SHTN1: variants seen among roughly 807,000 people sequenced by gnomAD.
SHTN1 encodes the protein shootin-1.
Under a neutral mutation model 83.1 loss-of-function variants are expected in SHTN1, and 42 were observed. The observed-to-expected ratio is 0.51, with a 90% CI of 0.39 to 0.65. The LOEUF (loss-of-function observed/expected upper bound fraction) is 0.65, where lower values mean the gene tolerates loss of function less well. SHTN1 is among the 30% of genes least tolerant of loss of function. SHTN1 has a pLI of 0.00. For missense variants in SHTN1, 622 were observed against 737.8 expected (o/e 0.84, Z 1.82); for synonymous variants, 224 against 247.7 (o/e 0.90, Z 0.90).
In SHTN1 at chr10:116,940,552, G is replaced by T; in HGVS notation, c.772C>A (p.Pro258Thr). The T allele has an allele frequency of 6.2e-7, 1 of 1,613,884 alleles. No homozygotes were observed. The change falls in exon 9 of 17, where the codon CCT becomes ACT. Residue 258 changes from proline to threonine, a missense_variant. By Grantham distance (38) the Pro-to-Thr change is conservative. This residue lies in a region of SHTN1 where 383 missense variants were observed against 455.8 expected (regional missense o/e 0.84). Coordinates refer to ENST00000355371, the MANE Select transcript of SHTN1 (RefSeq NM_001127211.3). Reference protein sequence around the residue: ...QSHLLLQSSIPDQQLLKALDE... With the variant: ...QSHLLLQSSITDQQLLKALDE... ...AAAGCTTTCAAAAGCTGCTGATCAG[G>T]GATGGAGCTCTGCAGCAGAAGGTGG...
At chr10:117,008,421 T>C (rs905971335), upstream of SHTN1, among the ~76,000 whole-genome samples, 2 of 152,136 alleles carry the variant, frequency 1.3e-5, no homozygotes, top group Non-Finnish European at 2.9e-5. Flanking sequence ...TAATTCTATA[T>C]CAGGGAATCT....
intron 2 of SHTN1, among the ~76,000 whole-genome samples, chr10:117,029,964 C>T (rs1852387585): frequency 6.8e-6 from 1 of 146,138 alleles, no homozygotes; most frequent in Admixed American, 7.0e-5. Context: ...TCTTGGCTCA[C>T]TGCAACCTCC....
chr10:116,921,072 G>A (rs1219947657), intron 12 of SHTN1, among the ~76,000 whole-genome samples: 1 of 152,168 alleles, frequency 6.6e-6, no homozygotes, highest in African/African-American at 2.4e-5. Flanking sequence ...CAACAGTGGA[G>A]TAGTACATAC....
intron 9 of SHTN1, among the ~76,000 whole-genome samples, chr10:116,930,557 A>C (rs1848922280): frequency 6.6e-6 from 1 of 152,154 alleles, no homozygotes; most frequent in Admixed American, 6.5e-5. Flanking sequence ...AAAGGACATT[A>C]TCTCATTCCT....
chr10:116,987,671 CTT>C (rs964978797), intron 1 of SHTN1, among the ~76,000 whole-genome samples: 9 of 152,064 alleles, frequency 5.9e-5, no homozygotes, highest in African/African-American at 2.2e-4. Context: ...AATCTCAGCA[CTT>C]TGGGAGGCCT....
chr10:117,125,804 C>G (rs1853996178), intron 1 of SHTN1, among the ~76,000 whole-genome samples: 4 of 152,194 alleles, frequency 2.6e-5, no homozygotes, highest in Admixed American at 2.6e-4. Flanking sequence ...CTTTCCCTCG[C>G]ATCAGCTGAC....
chr10:116,958,254 CAT>C (rs780555723), intron 4 of SHTN1, among the ~76,000 whole-genome samples: 53 of 152,228 alleles, frequency 3.5e-4, no homozygotes, highest in Non-Finnish European at 5.7e-4. Flanking sequence ...TGAAGTCACA[CAT>C]ATAATGAAGT....
chr10:116,893,576 G>GCGTGCACACACACACACACACACACACA (rs1554905664), intron 16 of SHTN1, among the ~76,000 whole-genome samples: 1 of 123,524 alleles, frequency 8.1e-6, no homozygotes, highest in Non-Finnish European at 1.6e-5. Flanking sequence ...GCACTCATGT[G>GCGTGCACACACACACACACACACACACA]CACACACACA....
intron 13 of SHTN1, among the ~76,000 whole-genome samples, chr10:116,913,948 C>G (rs1331279214): frequency 6.6e-6 from 1 of 152,208 alleles, no homozygotes; most frequent in African/African-American, 2.4e-5. Flanking sequence ...CTCAGCTTCT[C>G]CTCCAGTTTT....
At chr10:117,112,239 T>C (rs1465449968) in intron 1 of SHTN1, among the ~76,000 whole-genome samples, 1 of 152,174 alleles carries the variant, frequency 6.6e-6, no homozygotes, top group Non-Finnish European at 1.5e-5. Flanking sequence ...CTGCTGAGAT[T>C]ACAAGTGTGA....
intron 2 of SHTN1, among the ~76,000 whole-genome samples, chr10:117,030,489 G>C (rs939585820): frequency 6.6e-6 from 1 of 152,006 alleles, no homozygotes; most frequent in Non-Finnish European, 1.5e-5. Context: ...AGGGAAACAG[G>C]ACATCACCAC....
At chr10:116,979,055 G>A (rs1483632804) in intron 2 of SHTN1, among the ~76,000 whole-genome samples, 1 of 152,188 alleles carries the variant, frequency 6.6e-6, no homozygotes, top group African/African-American at 2.4e-5. Context: ...TGCACCCACT[G>A]TGGCATGCCT....
chr10:116,955,271 G>A (rs11596422), intron 4 of SHTN1, among the ~76,000 whole-genome samples: 13,834 of 152,152 alleles, frequency 0.091, 916 homozygotes, highest in East Asian at 0.21. Context: ...GACTAAGGAT[G>A]TTCCAATGTC....
intron 2 of SHTN1, among the ~76,000 whole-genome samples, chr10:117,017,104 G>A (rs1479299369): frequency 6.6e-6 from 1 of 152,066 alleles, no homozygotes; most frequent in Non-Finnish European, 1.5e-5. Context: ...GCCAGAAAAA[G>A]AAAAGAAGAA....
Position 117,025,958 on chromosome 10 carries a change from G to C in SHTN1, c.-123+22487C>G, listed in dbSNP as rs1375727310. Among the ~76,000 whole-genome samples, 3 of 152,128 alleles carry C rather than the reference G, an allele frequency of 2.0e-5. No homozygotes were observed. In the East Asian group the frequency reaches 5.8e-4, roughly 29 times the overall value. ...GGCCTTGGGTGAGACTCTGAGATGT[G>C]CTGGCTTCAGATGAAACTCAGCACA... On this transcript the variant is annotated intron_variant, in intron 2 of 17. Transcript: ENST00000392901.
At chr10:116,955,521 T>C (rs2133429832) in intron 4 of SHTN1, among the ~76,000 whole-genome samples, 1 of 152,310 alleles carries the variant, frequency 6.6e-6, no homozygotes, top group African/African-American at 2.4e-5. Flanking sequence ...GATAACTACC[T>C]TTCCTCACTG....
intron 8 of SHTN1, among the ~76,000 whole-genome samples, chr10:116,942,873 T>G (rs569827757): frequency 6.6e-6 from 1 of 152,304 alleles, no homozygotes; most frequent in South Asian, 2.1e-4. Flanking sequence ...CTGCATGCCC[T>G]AAGTGGTAAG....
intron 1 of SHTN1, among the ~76,000 whole-genome samples, chr10:117,082,867 T>G (rs1853291611): frequency 1.3e-5 from 2 of 151,440 alleles, no homozygotes; most frequent in Admixed American, 1.3e-4. Flanking sequence ...ACCCCTGCCT[T>G]TTTTTGTTTT....
At position 116,883,237 on chromosome 10, in the gene SHTN1, A is replaced by G. The variant is rs200496900; in HGVS notation, c.*3107T>C. 6.6e-6 allele frequency: 1 copy of G among 152,012 alleles called. No homozygotes were observed. The highest frequency in any genetic ancestry group is 2.4e-5 in the African/African-American group (1 of 41,386). The allele number at this position is 152,012 out of a possible 1,614,324, so 9.4% of individuals were successfully genotyped here. A position where few individuals can be genotyped will look rare whatever the true frequency, so the allele number is the denominator to read the frequency against. On this transcript the variant is annotated 3_prime_UTR_variant, in exon 17 of 17. Coordinates refer to ENST00000355371, the MANE Select transcript of SHTN1 (RefSeq NM_001127211.3). The stretch of plus-strand genomic sequence containing the variant: ...ATTTAAATTTCTTAGGGTGCTAGGC[A>G]CTCTTTCTACTTATACTTTCTCTCT...
Sources: allele counts gnomAD v4.1 joint callset (sites outside exome capture counted in the v4.1 genomes callset), GRCh38; gene constraint gnomAD v4.1.1; regional missense constraint gnomAD v4.1.1; transcripts MANE v1.5; gene names NCBI Gene and HGNC (gene_info 2026-07-23, HGNC 2026-07-21).